RMDN2: variants seen among roughly 807,000 people sequenced by gnomAD.
RMDN2 encodes the protein regulator of microtubule dynamics 2.
Under a neutral mutation model 52.8 loss-of-function variants are expected in RMDN2, and 61 were observed. That is an observed-to-expected ratio of 1.16 (90% CI 0.94 to 1.43). RMDN2 has a LOEUF of 1.43. Ranked by LOEUF, RMDN2 falls within the 40% of genes most tolerant of loss-of-function variation. The pLI is 0.00. For missense variants in RMDN2, 592 were observed against 475.3 expected (o/e 1.25, Z -2.28); for synonymous variants, 180 against 153.1 (o/e 1.18, Z -1.30).
At chr2:37,957,757 C>G (rs187087357) in intron 2 of RMDN2, among the ~76,000 whole-genome samples, 1 of 152,138 alleles carries the variant, frequency 6.6e-6, no homozygotes. Flanking sequence ...AGGTTTTCTT[C>G]TAGGGTTTTT....
intron 10 of RMDN2, chr2:38,036,468 C>T (rs1680586385): frequency 6.6e-6 from 1 of 152,124 alleles, no homozygotes; most frequent in Admixed American, 6.6e-5. Flanking sequence ...ATATGGACTC[C>T]AGGATAGCAA....
intron 1 of RMDN2, among the ~76,000 whole-genome samples, chr2:37,927,083 T>A (rs1666342057): frequency 6.6e-6 from 1 of 152,392 alleles, no homozygotes; most frequent in African/African-American, 2.4e-5. Flanking sequence ...GTTATAAAAC[T>A]CAAACATAGC....
At chr2:37,951,320 T>C (rs145575545) in intron 2 of RMDN2, 6 of 1,613,122 alleles carry the variant, frequency 3.7e-6, no homozygotes, top group Non-Finnish European at 5.1e-6. Context: ...CCTCTTCTAT[T>C]TCACAACCAA....
intron 10 of RMDN2, chr2:38,028,165 G>T (rs1415476842): frequency 1.3e-5 from 2 of 152,136 alleles, no homozygotes; most frequent in Non-Finnish European, 1.5e-5. Flanking sequence ...GGACCCCGAA[G>T]CTTACACAAT....
upstream of RMDN2, among the ~76,000 whole-genome samples, chr2:37,924,021 C>T (rs1410000108): frequency 1.3e-5 from 2 of 152,050 alleles, no homozygotes; most frequent in East Asian, 3.9e-4. Context: ...AAGTGCTGGG[C>T]TTACAGTCGT....
upstream of RMDN2, among the ~76,000 whole-genome samples, chr2:37,922,326 T>G (rs1558424772): frequency 6.6e-6 from 1 of 151,714 alleles, no homozygotes; most frequent in Non-Finnish European, 1.5e-5. Flanking sequence ...AGAAAATGAA[T>G]AGTTAACTAT....
At chr2:38,055,165 C>T (rs1031035042) in intron 10 of RMDN2, among the ~76,000 whole-genome samples, 3 of 152,028 alleles carry the variant, frequency 2.0e-5, no homozygotes, top group Admixed American at 6.6e-5. Context: ...TAGATGATTT[C>T]ATAGCCGTCC....
At chr2:37,982,050 A>C (rs1673390693) in intron 5 of RMDN2, among the ~76,000 whole-genome samples, 1 of 152,100 alleles carries the variant, frequency 6.6e-6, no homozygotes, top group South Asian at 2.1e-4. Context: ...AAGATACAAT[A>C]ATAAATGTAT....
chr2:37,942,055 G>C (rs570929865), intron 2 of RMDN2, among the ~76,000 whole-genome samples: 296 of 152,262 alleles, frequency 1.9e-3, no homozygotes, highest in African/African-American at 6.5e-3. Context: ...GAAATCTCCT[G>C]GTCTGTGGGT....
chr2:37,996,371 G>T (rs1241551818), intron 7 of RMDN2, among the ~76,000 whole-genome samples: 1 of 152,068 alleles, frequency 6.6e-6, no homozygotes, highest in Non-Finnish European at 1.5e-5. Context: ...GATCTCTTGA[G>T]CCCAGGAGTT....
chr2:37,966,507 C>T (rs559906796), intron 2 of RMDN2, among the ~76,000 whole-genome samples: 2 of 152,058 alleles, frequency 1.3e-5, no homozygotes, highest in Admixed American at 1.3e-4. Flanking sequence ...CTTACTGCCA[C>T]TTTCTCTCTC....
intron 10 of RMDN2, among the ~76,000 whole-genome samples, chr2:38,013,483 G>GTT (rs1360630992): frequency 1.3e-5 from 2 of 152,198 alleles, no homozygotes; most frequent in East Asian, 3.8e-4. Context: ...TTAAGAGCAC[G>GTT]TTATATTTAG....
chr2:37,951,310 C>G (rs776642802), intron 2 of RMDN2: 7 of 1,612,722 alleles, frequency 4.3e-6, no homozygotes, highest in Non-Finnish European at 5.1e-6. Flanking sequence ...CATCGTGGAG[C>G]CTCTTCTATT....
At chr2:37,981,230 A>C in intron 4 of RMDN2, 53 bp from the exon 5 acceptor site, 1 of 1,073,184 alleles carries the variant, frequency 9.3e-7, no homozygotes, top group Non-Finnish European at 1.5e-6. Flanking sequence ...TCAATAATCC[A>C]CCTCCTACCA....
chr2:38,052,683 C>T (rs1434645307), intron 10 of RMDN2, among the ~76,000 whole-genome samples: 2 of 152,190 alleles, frequency 1.3e-5, no homozygotes, highest in Non-Finnish European at 2.9e-5. Flanking sequence ...ATGAACTTGG[C>T]TAAGGATGCT....
chr2:37,980,304 T>A (rs1445847475), intron 4 of RMDN2, among the ~76,000 whole-genome samples: 1 of 152,096 alleles, frequency 6.6e-6, no homozygotes, highest in Non-Finnish European at 1.5e-5. Flanking sequence ...TATTATTATT[T>A]TTGGTTTTTT....
chr2:38,041,427 G>GTTTTTT lies in RMDN2; in HGVS notation c.1714-25544_1714-25539dup, dbSNP rs3057329. 4.3e-3 allele frequency among the ~76,000 whole-genome samples: 522 copies of GTTTTTT among 120,026 alleles called. 20 individuals are homozygous for GTTTTTT. The highest frequency in any genetic ancestry group is 0.031 in the East Asian group (118 of 3,752). 78.7% of individuals were successfully genotyped at this position (120,026 alleles called of 152,430 possible). The stretch of plus-strand genomic sequence containing the variant: ...TCTTCTTTCCTCATTTTTTTTATTG[G>GTTTTTT]TTTTTTTTTTTTTTTTGGACGTTTT... On this transcript the variant is annotated intron_variant, in intron 10 of 10. Transcript: ENST00000234195.
intron 4 of RMDN2, among the ~76,000 whole-genome samples, chr2:37,975,618 G>T (rs1343186783): frequency 2.0e-5 from 3 of 151,784 alleles, no homozygotes; most frequent in Non-Finnish European, 2.9e-5. Context: ...ATGTCGGGTT[G>T]ATGGGTGCAG....
At chr2:38,020,831 A>AGGT (rs1288399843), downstream of RMDN2, among the ~76,000 whole-genome samples, 1 of 136,916 alleles carries the variant, frequency 7.3e-6, no homozygotes, top group Non-Finnish European at 1.6e-5. Context: ...AGCCTCCCCC[A>AGGT]CGAGCGCCAC....
Sources: allele counts gnomAD v4.1 joint callset (sites outside exome capture counted in the v4.1 genomes callset), GRCh38; gene constraint gnomAD v4.1.1; transcripts MANE v1.5; gene names NCBI Gene and HGNC (gene_info 2026-07-23, HGNC 2026-07-21).